Variants in TLL2 observed in about 807,000 individuals in gnomAD.
TLL2 encodes the protein tolloid like 2.
Under a neutral mutation model 123.0 loss-of-function variants are expected in TLL2, and 106 were observed. The ratio of observed to expected loss-of-function variants is 0.86; its 90% CI spans 0.74 to 1.01. The LOEUF (loss-of-function observed/expected upper bound fraction) is 1.01. Among genes scored for constraint, TLL2 ranks in the 50% least tolerant of loss-of-function variants. The pLI, the probability that TLL2 is intolerant of heterozygous loss-of-function variation, is 0.00. For synonymous variants in TLL2, 494 were observed against 516.8 expected, an observed-to-expected ratio of 0.96 and a Z score of 0.60; for missense variants, 1,332 against 1,336.7, an observed-to-expected ratio of 1.00 and a Z score of 0.06.
intron 2 of TLL2, among the ~76,000 whole-genome samples, chr10:96,468,497 C>T (rs184054697): frequency 2.6e-5 from 4 of 152,342 alleles, no homozygotes; most frequent in Admixed American, 6.5e-5. Context: ...GCCAGTTCTA[C>T]TCTGCCTCTG....
intron 18 of TLL2, chr10:96,375,315 T>TAGC: frequency 1.3e-5 from 2 of 152,268 alleles, no homozygotes; most frequent in South Asian, 4.1e-4. Context: ...TCACATTCTA[T>TAGC]GGTAGCGAAA....
rs368174482 is a variant in TLL2 at position 96,414,558 on chromosome 10, C to T, written c.924-1242G>A. On this transcript the variant is annotated intron_variant, in intron 7 of 20. Coordinates refer to ENST00000357947, the MANE Select transcript of TLL2 (RefSeq NM_012465.4). ...GTGATGCCCCTTGGGTTTCTGCCCT[C>T]TCCCTCTGTCCTCTCTCTCCATATT... 1.1e-4 allele frequency among the ~76,000 whole-genome samples: 16 copies of T among 152,252 alleles called. No homozygotes were observed. In the South Asian group the frequency reaches 3.3e-3, roughly 32 times the overall value.
intron 2 of TLL2, among the ~76,000 whole-genome samples, chr10:96,475,214 A>T (rs1847225892): frequency 6.6e-6 from 1 of 152,218 alleles, no homozygotes; most frequent in Non-Finnish European, 1.5e-5. Flanking sequence ...CATGAAATCA[A>T]CACAGCTCGT....
intron 13 of TLL2, among the ~76,000 whole-genome samples, chr10:96,388,474 A>G (rs1285725581): frequency 6.6e-6 from 1 of 152,196 alleles, no homozygotes; most frequent in Admixed American, 6.5e-5. Flanking sequence ...AATTAAGAAC[A>G]TCTATGAGTT....
chr10:96,453,325 G>A (rs576384471), intron 2 of TLL2, among the ~76,000 whole-genome samples: 28 of 152,168 alleles, frequency 1.8e-4, no homozygotes, highest in South Asian at 1.2e-3. Flanking sequence ...GCGTGGTGGC[G>A]CGCACCTGTA....
At chr10:96,479,097 T>G (rs1363071186) in intron 2 of TLL2, among the ~76,000 whole-genome samples, 1 of 152,196 alleles carries the variant, frequency 6.6e-6, no homozygotes, top group Admixed American at 6.5e-5. Context: ...AGAGCTTAAG[T>G]AAAGTTCTGA....
chr10:96,379,437 G>A (rs1589405990), intron 16 of TLL2, among the ~76,000 whole-genome samples: 1 of 152,342 alleles, frequency 6.6e-6, no homozygotes, highest in East Asian at 1.9e-4. Flanking sequence ...TGTTTACTAT[G>A]CAACAGGCAC....
At chr10:96,377,572 G>A (rs933837372) in intron 17 of TLL2, among the ~76,000 whole-genome samples, 2 of 152,166 alleles carry the variant, frequency 1.3e-5, no homozygotes, top group Admixed American at 1.3e-4. Flanking sequence ...TTGCTGATAG[G>A]GGGCAGAGCT....
At chr10:96,506,722 C>T (rs1430871412) in intron 1 of TLL2, among the ~76,000 whole-genome samples, 1 of 152,010 alleles carries the variant, frequency 6.6e-6, no homozygotes, top group African/African-American at 2.4e-5. Flanking sequence ...TCTCCTCTCG[C>T]TGTGTGGGAC....
chr10:96,432,400 T>G (rs1163252086), intron 4 of TLL2, among the ~76,000 whole-genome samples: 1 of 152,070 alleles, frequency 6.6e-6, no homozygotes, highest in East Asian at 1.9e-4. Context: ...GGAACACTGC[T>G]TGTAGGTGGT....
In TLL2 at chr10:96,481,736, G is replaced by A. The variant is rs371948830; in HGVS notation, c.176-1277C>T. On this transcript the variant is annotated intron_variant, in intron 1 of 20. Transcript: ENST00000357947. ...GCATGCCTTGGTTGTTATTAACTAT[G>A]TTTGACAAGGTTCTACAAGAAAGAA... 2.6e-5 allele frequency among the ~76,000 whole-genome samples: 4 copies of A among 152,292 alleles called. No individual in the cohort carries two copies. The East Asian group carries it at 5.8e-4, about 22-fold the overall frequency.
At chr10:96,483,081 A>G (rs1006172332) in intron 1 of TLL2, among the ~76,000 whole-genome samples, 1 of 152,218 alleles carries the variant, frequency 6.6e-6, no homozygotes, top group Non-Finnish European at 1.5e-5. Flanking sequence ...ATGTTGTAGA[A>G]AAGCGTAGGA....
chr10:96,471,822 G>T (rs941388773), intron 2 of TLL2, among the ~76,000 whole-genome samples: 1 of 152,120 alleles, frequency 6.6e-6, no homozygotes, highest in Non-Finnish European at 1.5e-5. Context: ...GCACACCAAA[G>T]ACAGGACTGG....
intron 1 of TLL2, among the ~76,000 whole-genome samples, chr10:96,513,307 G>T (rs982062358): frequency 5.9e-5 from 9 of 152,136 alleles, no homozygotes; most frequent in African/African-American, 2.2e-4. Flanking sequence ...CCCCCGGTGC[G>T]CACCGCAAAC....
At position 96,477,920 on chromosome 10, in the gene TLL2, A is replaced by G. The variant is rs539868501; in HGVS notation, c.286+2429T>C. 1.4e-4 allele frequency among the ~76,000 whole-genome samples: 21 copies of G among 152,282 alleles called. No homozygotes were observed. The East Asian group carries it at 3.5e-3, about 25-fold the overall frequency. ...ATGTTGGCCAGCACCTTCTGGGTAC[A>G]AGGTCCTGGCCCAGACTCTGGGGGA... is the stretch of plus-strand genomic sequence containing the variant. On this transcript the variant is annotated intron_variant, in intron 2 of 20. Transcript: ENST00000357947.
intron 2 of TLL2, among the ~76,000 whole-genome samples, chr10:96,478,869 A>G (rs1847284298): frequency 6.6e-6 from 1 of 152,174 alleles, no homozygotes; most frequent in Non-Finnish European, 1.5e-5. Context: ...TGGTGGTCCC[A>G]TGGGCGTGTA....
chr10:96,495,939 AC>A (rs1227944876), intron 1 of TLL2, among the ~76,000 whole-genome samples: 5 of 152,220 alleles, frequency 3.3e-5, no homozygotes, highest in African/African-American at 1.2e-4. Context: ...TGCAAGTTTT[AC>A]ATTGAAGACT....
chr10:96,506,959 G>A (rs922294689), intron 1 of TLL2, among the ~76,000 whole-genome samples: 3 of 152,154 alleles, frequency 2.0e-5, no homozygotes, highest in Non-Finnish European at 2.9e-5. Context: ...AGAAAATCTA[G>A]GCCTGAAGCT....
At chr10:96,512,944 G>T (rs1478201220) in intron 1 of TLL2, among the ~76,000 whole-genome samples, 1 of 152,224 alleles carries the variant, frequency 6.6e-6, no homozygotes, top group Non-Finnish European at 1.5e-5. Context: ...CCTCAGGCCG[G>T]TACCGCTACA....
Sources: allele counts gnomAD v4.1 joint callset (sites outside exome capture counted in the v4.1 genomes callset), GRCh38; gene constraint gnomAD v4.1.1; transcripts MANE v1.5; gene names NCBI Gene and HGNC (gene_info 2026-07-23, HGNC 2026-07-21).